GAS2: variants seen among roughly 807,000 people sequenced by gnomAD.
GAS2 encodes growth arrest specific 2.
Under a neutral mutation model 37.5 loss-of-function variants are expected in GAS2, and 20 were observed. The ratio of observed to expected loss-of-function variants is 0.53; its 90% CI spans 0.37 to 0.77. The LOEUF (loss-of-function observed/expected upper bound fraction) is 0.77. Among genes scored for constraint, GAS2 ranks in the 30% least tolerant of loss-of-function variants. GAS2 has a pLI of 0.00. For synonymous variants in GAS2, 144 were observed against 132.2 expected (o/e 1.09, Z -0.61); for missense variants, 336 against 373.4 (o/e 0.90, Z 0.82).
At chr11:22,715,230 G>A (rs1485069402) in intron 3 of GAS2, among the ~76,000 whole-genome samples, 1 of 151,962 alleles carries the variant, frequency 6.6e-6, no homozygotes, top group Admixed American at 6.6e-5. Context: ...GGGAGGCCAA[G>A]GCAGGCGGAT....
rs193153536 is a variant in GAS2, at chr11:22,721,872, A to T, written c.268-4420A>T. Among the ~76,000 whole-genome samples the T allele has an allele frequency of 2.2e-4, 33 of 152,108 alleles. No individual in the cohort carries two copies. The East Asian group carries it at 5.2e-3, about 24-fold the overall frequency. ...GGAAATAATGCAATGTTGGCAAGAA[A>T]ATATGAGAGAAGGAAATCATAGATA... On this transcript the variant is annotated intron_variant, in intron 3 of 7. Transcript: ENST00000454584.
At chr11:22,732,932 A>G (rs1486463970) in intron 4 of GAS2, among the ~76,000 whole-genome samples, 1 of 151,762 alleles carries the variant, frequency 6.6e-6, no homozygotes, top group Admixed American at 6.6e-5. Context: ...TATAACATTG[A>G]TTAATACAGT....
At chr11:22,645,560 G>C (rs185855087) in intron 1 of GAS2, among the ~76,000 whole-genome samples, 1 of 151,672 alleles carries the variant, frequency 6.6e-6, no homozygotes, top group South Asian at 2.1e-4. Context: ...ATTTATATCA[G>C]GCTAAATTTG....
intron 7 of GAS2, among the ~76,000 whole-genome samples, chr11:22,778,912 T>C (rs1855402953): frequency 6.6e-6 from 1 of 152,208 alleles, no homozygotes; most frequent in African/African-American, 2.4e-5. Context: ...TTTATTTATT[T>C]TTGTAAATGA....
intron 3 of GAS2, among the ~76,000 whole-genome samples, chr11:22,697,709 G>T (rs1221111044): frequency 1.3e-5 from 2 of 152,112 alleles, no homozygotes; most frequent in East Asian, 3.9e-4. Flanking sequence ...TGAAGCAATT[G>T]TGAATGGGAA....
chr11:22,761,938 G>A (rs1385286152), intron 7 of GAS2, among the ~76,000 whole-genome samples: 1 of 152,104 alleles, frequency 6.6e-6, no homozygotes, highest in African/African-American at 2.4e-5. Context: ...ATACTAATGT[G>A]ATCTGCAAGC....
chr11:22,719,288 T>C (rs1300556742), intron 3 of GAS2, among the ~76,000 whole-genome samples: 1 of 152,130 alleles, frequency 6.6e-6, no homozygotes, highest in Admixed American at 6.6e-5. Context: ...TAACTGAAAC[T>C]GTACCCTTGA....
At chr11:22,735,832 A>T (rs185007922) in intron 4 of GAS2, among the ~76,000 whole-genome samples, 2 of 151,914 alleles carry the variant, frequency 1.3e-5, no homozygotes, top group African/African-American at 2.4e-5. Flanking sequence ...CACTCTTGTC[A>T]TCAAGAAATG....
chr11:22,760,434 T>A (rs1418818656), intron 7 of GAS2, among the ~76,000 whole-genome samples: 1 of 152,200 alleles, frequency 6.6e-6, no homozygotes. Flanking sequence ...TAATAAGTCC[T>A]CCAGGTGTTT....
At chr11:22,663,879 A>G (rs1267549653), upstream of GAS2, among the ~76,000 whole-genome samples, 6 of 152,212 alleles carry the variant, frequency 3.9e-5, no homozygotes, top group Non-Finnish European at 7.4e-5. Context: ...AAATATGTCA[A>G]TTGAAGGCCT....
intron 5 of GAS2, among the ~76,000 whole-genome samples, chr11:22,738,644 C>A (rs958797500): frequency 3.9e-5 from 6 of 152,110 alleles, no homozygotes; most frequent in Non-Finnish European, 8.8e-5. Context: ...AATGAACATT[C>A]TCAAAGAATT....
intron 3 of GAS2, among the ~76,000 whole-genome samples, chr11:22,687,810 A>G (rs1850038263): frequency 6.6e-6 from 1 of 152,206 alleles, no homozygotes. Flanking sequence ...CAATGAACAG[A>G]GGGAAATAAG....
At chr11:22,735,222 TTC>T (rs1852685716) in intron 4 of GAS2, among the ~76,000 whole-genome samples, 1 of 105,692 alleles carries the variant, frequency 9.5e-6, no homozygotes, top group Admixed American at 1.3e-4. Context: ...TCACCAATCA[TTC>T]TTTTTTTTTT....
At chr11:22,778,564 C>A (rs1378557846) in intron 7 of GAS2, among the ~76,000 whole-genome samples, 2 of 152,212 alleles carry the variant, frequency 1.3e-5, no homozygotes, top group African/African-American at 4.8e-5. Flanking sequence ...AGGAGCCAGG[C>A]TTGCGAAGAG....
intron 7 of GAS2, among the ~76,000 whole-genome samples, chr11:22,804,608 G>C (rs1856807277): frequency 6.6e-6 from 1 of 152,118 alleles, no homozygotes; most frequent in South Asian, 2.1e-4. Context: ...GAGAAAGTAT[G>C]AAAGTAAGAG....
chr11:22,752,145 AC>A lies in GAS2; in HGVS notation c.615+2885del, dbSNP rs532171410. On this transcript the variant is annotated intron_variant, in intron 6 of 7. Coordinates refer to ENST00000454584, the MANE Select transcript of GAS2 (RefSeq NM_001143830.3). ...CGGTTAAATTAGTTTGAAAAATACA[AC>A]TTACTATATATAGATTAGGACTGTA... is the stretch of plus-strand genomic sequence containing the variant. Among the ~76,000 whole-genome samples the A allele has an allele frequency of 1.3e-4, 20 of 152,152 alleles. No homozygotes were observed. The East Asian group carries it at 3.7e-3, about 28-fold the overall frequency.
chr11:22,652,742 C>A (rs984312692), intron 1 of GAS2, among the ~76,000 whole-genome samples: 1 of 152,210 alleles, frequency 6.6e-6, no homozygotes, highest in Non-Finnish European at 1.5e-5. Context: ...TGACCCCTTG[C>A]GCTTCCCCAG....
chr11:22,628,745 C>T (rs957847807), intron 1 of GAS2, among the ~76,000 whole-genome samples: 3 of 152,046 alleles, frequency 2.0e-5, no homozygotes. Flanking sequence ...GAGTAGTGTA[C>T]GTTGTACCCA....
At chr11:22,772,796 T>C (rs538802792) in intron 7 of GAS2, among the ~76,000 whole-genome samples, 2 of 152,310 alleles carry the variant, frequency 1.3e-5, no homozygotes, top group East Asian at 3.9e-4. Flanking sequence ...TTTGTTTTTC[T>C]TTCTAAATGC....
Sources: gnomAD v4.1 joint callset for allele counts (sites outside exome capture counted in the v4.1 genomes callset) on GRCh38, gnomAD v4.1.1 for gene constraint, MANE v1.5 for transcripts, NCBI Gene and HGNC (gene_info 2026-07-23, HGNC 2026-07-21) for gene names.